The following CD81 variants were observed in gnomAD, a reference collection of about 807,000 sequenced individuals.
CD81 encodes the protein CD81 antigen.
In CD81, 10 loss-of-function variants were observed where a neutral mutation model predicts 30.1. That is an observed-to-expected ratio of 0.33 (90% CI 0.21 to 0.56). The LOEUF (loss-of-function observed/expected upper bound fraction) is 0.56, where lower values mean the gene tolerates loss of function less well. Among genes scored for constraint, CD81 ranks in the 20% least tolerant of loss-of-function variants. CD81 has a pLI of 0.89. For missense variants in CD81, 263 were observed against 308.7 expected, an observed-to-expected ratio of 0.85 and a Z score of 1.11; for synonymous variants, 147 against 126.4, an observed-to-expected ratio of 1.16 and a Z score of -1.10.
intron 1 of CD81, chr11:2,379,077 C>T: frequency 2.3e-6 from 1 of 443,584 alleles, no homozygotes; most frequent in South Asian, 1.6e-5. Context: ...GAGGGGCTCG[C>T]CTTCCCCAGG....
At chr11:2,383,957 G>A (rs540953566) in intron 1 of CD81, among the ~76,000 whole-genome samples, 2 of 152,202 alleles carry the variant, frequency 1.3e-5, no homozygotes, top group Non-Finnish European at 2.9e-5. Flanking sequence ...CGGGGCCTGC[G>A]GGGGCAGCGA....
intron 6 of CD81, chr11:2,396,199 G>C (rs1400914922): frequency 3.0e-5 from 18 of 605,886 alleles, no homozygotes; most frequent in Non-Finnish European, 5.1e-5. Flanking sequence ...TGGAGGCTCT[G>C]GGGGGTGGGA....
chr11:2,388,447 A>C (rs1379741689), intron 1 of CD81, among the ~76,000 whole-genome samples: 1 of 143,554 alleles, frequency 7.0e-6, no homozygotes, highest in Non-Finnish European at 1.5e-5. Context: ...CCCCCTGCCC[A>C]ACCCCACCCT....
chr11:2,386,343 G>C, intron 1 of CD81: 1 of 621,788 alleles, frequency 1.6e-6, no homozygotes, highest in Non-Finnish European at 2.9e-6. Context: ...CGGAGAGCAG[G>C]TGTCTTTCGC....
At chr11:2,381,887 G>C (rs1849711522) in intron 1 of CD81, among the ~76,000 whole-genome samples, 1 of 152,236 alleles carries the variant, frequency 6.6e-6, no homozygotes, top group African/African-American at 2.4e-5. Flanking sequence ...CTGCCTTGTA[G>C]GACACAGTGG....
At chr11:2,391,929 C>T (rs1169999248) in intron 2 of CD81, 1 of 152,230 alleles carries the variant, frequency 6.6e-6, no homozygotes, top group Non-Finnish European at 1.5e-5. Flanking sequence ...TCTTGCTCCC[C>T]GCTTCCCAGA....
chr11:2,395,407 C>T lies in CD81; in HGVS notation c.355-9C>T. On this transcript the variant is annotated splice_polypyrimidine_tract_variant and intron_variant, in intron 4 of 7. Coordinates refer to ENST00000263645, the MANE Select transcript of CD81 (RefSeq NM_004356.4). ...TCCCCCTGTGCATGTGACCGCACCC[C>T]TCCCCCAGATCGCCAAGGATGTGAA... 2.5e-6 allele frequency: 4 copies of T among 1,608,166 alleles called. No individual in the cohort carries two copies. The South Asian group carries it at 3.3e-5, about 13-fold the overall frequency.
At chr11:2,396,468 G>A in intron 6 of CD81, 160 bp from the exon 7 acceptor site, 1 of 702,738 alleles carries the variant, frequency 1.4e-6, no homozygotes, top group Non-Finnish European at 2.5e-6. Context: ...GCAGAGGCCG[G>A]GCCGCTGCAC....
intron 3 of CD81, among the ~76,000 whole-genome samples, chr11:2,394,683 T>C (rs904835135): frequency 6.6e-6 from 1 of 152,188 alleles, no homozygotes; most frequent in Non-Finnish European, 1.5e-5. Context: ...GCAGACATCC[T>C]GGACTCACCA....
chr11:2,396,091 C>T lies in CD81; in HGVS notation c.561+121C>T, dbSNP rs1346121885. 8 of 694,214 alleles carry T rather than the reference C, an allele frequency of 1.2e-5. No homozygotes were observed. In the African/African-American group the frequency reaches 1.3e-4, roughly 11 times the overall value. The allele number at this position is 694,214 out of a possible 1,614,324, so 43.0% of individuals were successfully genotyped here. On this transcript the variant is annotated intron_variant, in intron 6 of 7. Transcript: ENST00000263645. ...GAGCGACCACACTGGGTGGCATGGC[C>T]CCTGTCAGGGCTGCTCTGCTGGGAG...
At chr11:2,389,675 G>A (rs1430999928) in intron 1 of CD81, among the ~76,000 whole-genome samples, 6 of 152,092 alleles carry the variant, frequency 3.9e-5, no homozygotes, top group Admixed American at 3.3e-4. Context: ...GCTTCTGCGC[G>A]CCCCTTCCCC....
intron 1 of CD81, chr11:2,385,827 T>G (rs924098250): frequency 1.6e-6 from 1 of 633,626 alleles, no homozygotes; most frequent in Non-Finnish European, 2.9e-6. Context: ...ATATGGGTTG[T>G]TTCAGTTTGG....
Position 2,377,520 on chromosome 11 carries a change from C to A in CD81, c.-30C>A. The stretch of plus-strand genomic sequence containing the variant: ...GCCCGCCGCCCAGGACCGGCCCGCG[C>A]CCCGCAGGCCGCCCGCCGCCCGCGC... On this transcript the variant is annotated 5_prime_UTR_variant, in exon 1 of 8. Coordinates refer to ENST00000263645, the MANE Select transcript of CD81 (RefSeq NM_004356.4). The surrounding 1 kb of genome is among the most constrained non-coding windows in gnomAD (Gnocchi z 7.7). The A allele has an allele frequency of 3.2e-6, 4 of 1,267,510 alleles. No individual in the cohort carries two copies. Among genetic ancestry groups the A allele is most frequent in the Non-Finnish European group, 4.1e-6 (4 of 972,848 alleles). The allele number at this position is 1,267,510 out of a possible 1,614,324, so 78.5% of individuals were successfully genotyped here.
At chr11:2,394,665 TG>T (rs1481993078) in intron 3 of CD81, among the ~76,000 whole-genome samples, 2 of 152,158 alleles carry the variant, frequency 1.3e-5, no homozygotes. Context: ...CACGCCTCCC[TG>T]GGGGCTGCAG....
chr11:2,380,931 C>T (rs925953137), intron 1 of CD81, among the ~76,000 whole-genome samples: 13 of 152,220 alleles, frequency 8.5e-5, no homozygotes, highest in Non-Finnish European at 1.5e-4. Flanking sequence ...CAGCCAAACC[C>T]GGCCGGGAAA....
At chr11:2,395,086 G>T in intron 4 of CD81, 40 bp downstream of exon 4, 3 of 1,505,770 alleles carry the variant, frequency 2.0e-6, no homozygotes, top group Non-Finnish European at 2.8e-6. Context: ...GGTGGGTGAC[G>T]GGGGCACCCT....
At chr11:2,396,534 C>T (rs563783561) in intron 6 of CD81, 94 bp from the exon 7 acceptor site, 79 of 1,108,512 alleles carry the variant, frequency 7.1e-5, no homozygotes, top group Non-Finnish European at 9.1e-5. Context: ...TTCCCCTCTA[C>T]GCTTTCTGTG....
In CD81 at chr11:2,396,650, A is replaced by G. The variant is rs184960624; in HGVS notation, c.584A>G (p.Asp195Gly). Residue 195 changes from aspartate to glycine, a missense_variant, in exon 7 of 8, where the codon GAT (aspartate) becomes GGT (glycine). Physicochemically the swap from Asp to Gly is moderately conservative, Grantham distance 94. Coordinates refer to ENST00000263645, the MANE Select transcript of CD81 (RefSeq NM_004356.4). Reference protein sequence around the residue: ...LFKEDCHQKIDDLFSGKLYLI... With the variant: ...LFKEDCHQKIGDLFSGKLYLI... ...CAGGAGGACTGCCACCAGAAGATCGATGACCTCTTCTCCGGGAAGCTGTAC... is the reference window on the plus strand; with the variant it reads ...CAGGAGGACTGCCACCAGAAGATCGGTGACCTCTTCTCCGGGAAGCTGTAC... 20 of 1,611,680 alleles carry G rather than the reference A, an allele frequency of 1.2e-5. No individual in the cohort carries two copies. Among genetic ancestry groups the G allele is most frequent in the Non-Finnish European group, 1.7e-5 (20 of 1,179,984 alleles).
At chr11:2,379,916 C>T (rs932425506) in intron 1 of CD81, among the ~76,000 whole-genome samples, 20 of 152,282 alleles carry the variant, frequency 1.3e-4, no homozygotes, top group African/African-American at 3.4e-4. Flanking sequence ...ACCCTGGTGT[C>T]GCAGGGTGTG....
Sources: gnomAD v4.1 joint callset for allele counts (sites outside exome capture counted in the v4.1 genomes callset) on GRCh38, gnomAD v4.1.1 for gene constraint, Gnocchi (gnomAD v3.1) non-coding constraint, MANE v1.5 for transcripts, NCBI Gene and HGNC (gene_info 2026-07-23, HGNC 2026-07-21) for gene names.